EML6: variants seen among roughly 807,000 people sequenced by gnomAD.
EML6 encodes the protein EMAP like 6, also known as echinoderm microtubule-associated protein-like 6.
EML6 carries 154 observed loss-of-function variants against 240.1 expected under a neutral mutation model. The observed-to-expected ratio is 0.64, with a 90% CI of 0.56 to 0.73. The LOEUF is 0.73. EML6 is among the 30% of genes least tolerant of loss of function. The probability of loss-of-function intolerance (pLI) is 0.00; values close to 1 mark genes in which losing one functional copy is unlikely to be tolerated. For missense variants in EML6, 2,964 were observed against 2,474.6 expected (o/e 1.20, Z -4.20); for synonymous variants, 1,148 against 899.0 (o/e 1.28, Z -4.95).
intron 14 of EML6, chr2:54,868,112 A>G (rs1456418088): frequency 6.6e-6 from 1 of 152,226 alleles, no homozygotes; most frequent in East Asian, 1.9e-4. Context: ...TTTTATATTG[A>G]TTACATGTTG....
intron 7 of EML6, among the ~76,000 whole-genome samples, chr2:54,842,568 T>G (rs1305437149): frequency 6.6e-6 from 1 of 152,220 alleles, no homozygotes; most frequent in African/African-American, 2.4e-5. Flanking sequence ...CGTCTGATAC[T>G]TTCTATCCCA....
intron 2 of EML6, among the ~76,000 whole-genome samples, chr2:54,775,035 G>T (rs1487427682): frequency 1.3e-5 from 2 of 152,240 alleles, no homozygotes; most frequent in Non-Finnish European, 2.9e-5. Context: ...CAGACATGCA[G>T]TGGGGGGACC....
intron 17 of EML6, 174 bp downstream of exon 17, chr2:54,879,814 G>C: frequency 1.7e-6 from 1 of 594,970 alleles, no homozygotes; most frequent in South Asian, 2.2e-5. Flanking sequence ...ACCTGACTTA[G>C]AGCAGGTCAT....
intron 41 of EML6, among the ~76,000 whole-genome samples, chr2:54,969,000 A>C (rs960720158): frequency 3.3e-5 from 5 of 152,172 alleles, no homozygotes; most frequent in African/African-American, 1.2e-4. Context: ...CTGGGATGGC[A>C]TGGGCATGTG....
At chr2:54,967,993 G>A (rs1337355976) in intron 39 of EML6, 135 bp from the exon 40 acceptor site, 8 of 808,920 alleles carry the variant, frequency 9.9e-6, no homozygotes, top group African/African-American at 5.1e-5. Context: ...GACCAGTACC[G>A]TTCCGTGGCC....
intron 24 of EML6, among the ~76,000 whole-genome samples, chr2:54,907,909 TAGA>T (rs1276409477): frequency 2.2e-3 from 71 of 32,294 alleles, no homozygotes; most frequent in Admixed American, 0.013. Flanking sequence ...ATTAGATAGA[TAGA>T]TAGATAGATA....
rs181396914 is a variant in EML6 at position 54,863,613 on chromosome 2, G to A, written c.1826-170G>A. On this transcript the variant is annotated intron_variant, in intron 12 of 41. Transcript: ENST00000356458. Reference sequence around the variant, plus strand: ...TCCTGAAAGGAGTGAAGGGTGGGCTGAACTAAACCAAAAGGTGAAAGAAAG... The same window carrying A: ...TCCTGAAAGGAGTGAAGGGTGGGCTAAACTAAACCAAAAGGTGAAAGAAAG... Among the ~76,000 whole-genome samples the A allele has an allele frequency of 7.6e-4, 115 of 152,232 alleles. 2 individuals carry two copies. Among genetic ancestry groups the A allele is most frequent in the Admixed American group, 7.3e-3 (112 of 15,288 alleles).
intron 38 of EML6, 150 bp from the exon 39 acceptor site, chr2:54,966,850 C>T (rs957392223): frequency 5.4e-6 from 3 of 552,034 alleles, no homozygotes; most frequent in African/African-American, 1.9e-5. Flanking sequence ...ATGGGCTGGC[C>T]ATAGGCTTTG....
At chr2:54,794,974 C>T (rs2103930754) in intron 2 of EML6, among the ~76,000 whole-genome samples, 1 of 152,290 alleles carries the variant, frequency 6.6e-6, no homozygotes, top group South Asian at 2.1e-4. Flanking sequence ...CACTAGGTCC[C>T]ACCGACCCAG....
chr2:54,878,380 C>T (rs941278168), intron 16 of EML6, among the ~76,000 whole-genome samples: 25 of 152,140 alleles, frequency 1.6e-4, no homozygotes, highest in African/African-American at 5.8e-4. Context: ...GCAGGATGAG[C>T]TTGATCACTC....
intron 22 of EML6, among the ~76,000 whole-genome samples, chr2:54,902,370 T>A (rs1673104123): frequency 6.6e-6 from 1 of 152,190 alleles, no homozygotes; most frequent in Non-Finnish European, 1.5e-5. Context: ...GATATTATGA[T>A]CTTTTTCCTT....
At chr2:54,766,108 T>C (rs940844906) in intron 2 of EML6, among the ~76,000 whole-genome samples, 5 of 152,206 alleles carry the variant, frequency 3.3e-5, no homozygotes, top group African/African-American at 1.2e-4. Flanking sequence ...ATTTTTTTCT[T>C]GAGCCACTTG....
chr2:54,955,354 G>C (rs1422824183), intron 32 of EML6, among the ~76,000 whole-genome samples: 3 of 152,162 alleles, frequency 2.0e-5, no homozygotes, highest in African/African-American at 7.2e-5. Flanking sequence ...ATCCTAAGGA[G>C]AAATTCCTTC....
At chr2:54,841,310 G>A (rs1669438967) in intron 7 of EML6, among the ~76,000 whole-genome samples, 1 of 152,218 alleles carries the variant, frequency 6.6e-6, no homozygotes, top group Non-Finnish European at 1.5e-5. Context: ...ACTCCTCCTG[G>A]CGGGAATAAT....
chr2:54,778,750 C>T (rs1668707840), intron 2 of EML6, among the ~76,000 whole-genome samples: 1 of 151,136 alleles, frequency 6.6e-6, no homozygotes, highest in African/African-American at 2.4e-5. Flanking sequence ...AAATTAGCTG[C>T]GTGTGGTGGC....
rs1683085471 is a variant in EML6, at chr2:54,730,037, A to G, written c.197+4779A>G. 2.6e-5 allele frequency among the ~76,000 whole-genome samples: 4 copies of G among 152,224 alleles called. No individual in the cohort carries two copies. The South Asian group carries it at 6.2e-4, about 24-fold the overall frequency. On this transcript the variant is annotated intron_variant, in intron 2 of 41. Coordinates refer to ENST00000356458, the MANE Select transcript of EML6 (RefSeq NM_001039753.4). ...TGTGGTCCCTGATATTCCGGGACCTAGGGCCAGAGAATCTCTTTGGCCCAG... is the reference window on the plus strand; with the variant it reads ...TGTGGTCCCTGATATTCCGGGACCTGGGGCCAGAGAATCTCTTTGGCCCAG...
intron 2 of EML6, among the ~76,000 whole-genome samples, chr2:54,801,132 A>T (rs1670115966): frequency 6.6e-6 from 1 of 151,916 alleles, no homozygotes; most frequent in African/African-American, 2.4e-5. Flanking sequence ...CATCCTGGCT[A>T]ATACAGTGAA....
At chr2:54,893,895 A>T (rs1262733879) in intron 19 of EML6, among the ~76,000 whole-genome samples, 1 of 152,206 alleles carries the variant, frequency 6.6e-6, no homozygotes, top group Non-Finnish European at 1.5e-5. Flanking sequence ...AACTGCAAGT[A>T]TTAGAAAAGA....
At chr2:54,824,171 C>G (rs77298382) in intron 5 of EML6, among the ~76,000 whole-genome samples, 26 of 152,250 alleles carry the variant, frequency 1.7e-4, no homozygotes, top group East Asian at 9.6e-4. Flanking sequence ...CTATCTCTTT[C>G]TGTCCTTGGT....
Sources: gnomAD v4.1 joint callset for allele counts (sites outside exome capture counted in the v4.1 genomes callset) on GRCh38, gnomAD v4.1.1 for gene constraint, MANE v1.5 for transcripts, NCBI Gene and HGNC (gene_info 2026-07-23, HGNC 2026-07-21) for gene names.